The following PRKN variants were observed in gnomAD, a reference collection of about 807,000 sequenced individuals.
PRKN encodes the protein E3 ubiquitin-protein ligase parkin.
A neutral mutation model predicts 59.5 loss-of-function variants in PRKN; 56 were observed. That is an observed-to-expected ratio of 0.94 (90% CI 0.76 to 1.18). The LOEUF is 1.18. Among genes scored for constraint, PRKN ranks in the 50% most tolerant of loss-of-function variants. The pLI is 0.00. For missense variants in PRKN, 657 were observed against 596.4 expected (o/e 1.10, Z -1.06); for synonymous variants, 250 against 222.1 (o/e 1.13, Z -1.12).
rs1014000439 is a variant in PRKN, at chr6:161,459,625, C to G, written c.1084-72748G>C. ...TCTGAGATCCATCCTGCTGTCAGCC[C>G]TAGAACTCCCTCACAAGCAAGCTAT... is the stretch of plus-strand genomic sequence containing the variant. On this transcript the variant is annotated intron_variant, in intron 9 of 11. Coordinates refer to ENST00000366898, the MANE Select transcript of PRKN (RefSeq NM_004562.3). This position sits in a 1 kb window ranked among gnomAD's most constrained non-coding sequence, Gnocchi z 4.8. Among the ~76,000 whole-genome samples the G allele has an allele frequency of 1.3e-5, 2 of 152,152 alleles. No homozygotes were observed. Among genetic ancestry groups the G allele is most frequent in the Non-Finnish European group, 2.9e-5 (2 of 68,014 alleles).
chr6:162,547,446 G>T (rs1779165578), intron 1 of PRKN, among the ~76,000 whole-genome samples: 1 of 152,116 alleles, frequency 6.6e-6, no homozygotes, highest in Admixed American at 6.6e-5. Context: ...AGGACTTTCA[G>T]AACTTTTACC....
At chr6:161,964,530 C>A (rs1484952252) in intron 6 of PRKN, among the ~76,000 whole-genome samples, 1 of 152,006 alleles carries the variant, frequency 6.6e-6, no homozygotes, top group African/African-American at 2.4e-5. Flanking sequence ...GAAGATATAT[C>A]TTTGAAGTTT....
At chr6:162,020,332 C>CAAAAAAAAAAAAAAAAAAAAAAAAA (rs771141235) in intron 5 of PRKN, among the ~76,000 whole-genome samples, 2 of 45,446 alleles carry the variant, frequency 4.4e-5, no homozygotes, top group Non-Finnish European at 9.2e-5. Context: ...ACCAATGAAT[C>CAAAAAAAAAAAAAAAAAAAAAAAAA]AAAAAAAAAA....
At chr6:162,644,497 T>A (rs1182138919) in intron 1 of PRKN, among the ~76,000 whole-genome samples, 1 of 152,190 alleles carries the variant, frequency 6.6e-6, no homozygotes, top group Non-Finnish European at 1.5e-5. Context: ...AGAATATGTA[T>A]CTGCAGCCTA....
At chr6:161,465,151 A>G (rs1463740532) in intron 9 of PRKN, among the ~76,000 whole-genome samples, 1 of 152,204 alleles carries the variant, frequency 6.6e-6, no homozygotes, top group Non-Finnish European at 1.5e-5. Context: ...TACCGTCGAG[A>G]CTGGCCCATG....
intron 9 of PRKN, among the ~76,000 whole-genome samples, chr6:161,505,883 A>G (rs111595038): frequency 0.78 from 111,934 of 142,612 alleles, 44,026 homozygotes; most frequent in Middle Eastern, 0.86. Context: ...CCATTGATCT[A>G]TATCTCTGTT....
chr6:161,763,325 G>A (rs1450945742), intron 7 of PRKN, among the ~76,000 whole-genome samples: 2 of 152,068 alleles, frequency 1.3e-5, no homozygotes, highest in African/African-American at 4.8e-5. Context: ...GACAAAGAAG[G>A]GGTCTTTGGA....
At position 161,356,390 on chromosome 6, in the gene PRKN, C is replaced by T. The variant is rs962144178; in HGVS notation, c.1285+3698G>A. On this transcript the variant is annotated intron_variant, in intron 11 of 11. Coordinates refer to ENST00000366898, the MANE Select transcript of PRKN (RefSeq NM_004562.3). This position sits in a 1 kb window ranked among gnomAD's most constrained non-coding sequence, Gnocchi z 7.8. ...CACAGAAGCGTCCTGGGGAGAGGAGCGGGACTGTGTGGTTGCAATGTCAGT... is the reference window on the plus strand; with the variant it reads ...CACAGAAGCGTCCTGGGGAGAGGAGTGGGACTGTGTGGTTGCAATGTCAGT... Among the ~76,000 whole-genome samples the T allele has an allele frequency of 3.3e-5, 5 of 152,094 alleles. No individual in the cohort carries two copies. Among genetic ancestry groups the T allele is most frequent in the South Asian group, 2.1e-4 (1 of 4,824 alleles).
At chr6:162,261,161 CAG>C (rs929573613) in intron 3 of PRKN, among the ~76,000 whole-genome samples, 1 of 152,112 alleles carries the variant, frequency 6.6e-6, no homozygotes, top group Non-Finnish European at 1.5e-5. Context: ...TCTCAAGGAT[CAG>C]AGTCTCCAGA....
At chr6:161,946,576 G>A (rs970268439) in intron 6 of PRKN, among the ~76,000 whole-genome samples, 1 of 152,076 alleles carries the variant, frequency 6.6e-6, no homozygotes, top group African/African-American at 2.4e-5. Flanking sequence ...ATCTGCTGAA[G>A]GGGTGTCCTC....
chr6:162,366,496 G>T (rs573300962), intron 2 of PRKN, among the ~76,000 whole-genome samples: 30 of 152,220 alleles, frequency 2.0e-4, no homozygotes, highest in African/African-American at 7.2e-4. Context: ...ACACAGAAAA[G>T]AAAATAAAAA....
intron 7 of PRKN, among the ~76,000 whole-genome samples, chr6:161,673,578 G>GA (rs1257935913): frequency 2.6e-5 from 4 of 152,200 alleles, no homozygotes; most frequent in Non-Finnish European, 1.5e-5. Flanking sequence ...GCAGAGTTGG[G>GA]ACGTTATTTG....
At chr6:161,701,754 A>C (rs1010040249) in intron 7 of PRKN, among the ~76,000 whole-genome samples, 4 of 152,192 alleles carry the variant, frequency 2.6e-5, no homozygotes, top group Non-Finnish European at 4.4e-5. Flanking sequence ...ATTTCACATA[A>C]ATTTAGAAAT....
rs149634732 is a variant in PRKN, at chr6:161,626,697, C to T, written c.872-57281G>A. 9.5e-3 allele frequency among the ~76,000 whole-genome samples: 1,450 copies of T among 152,310 alleles called. 7 individuals are homozygous for T. The highest frequency in any genetic ancestry group is 0.024 in the Middle Eastern group (7 of 294). The stretch of plus-strand genomic sequence containing the variant: ...TGATGGATGAACAAATGCACTCAGA[C>T]ACAGATATCTAGTGAAAGAGTGGGT... On this transcript the variant is annotated intron_variant, in intron 7 of 11. Transcript: ENST00000366898.
intron 7 of PRKN, among the ~76,000 whole-genome samples, chr6:161,701,689 G>A (rs1023883915): frequency 3.5e-4 from 53 of 152,168 alleles, no homozygotes; most frequent in African/African-American, 1.2e-3. Context: ...CACAAAATAC[G>A]TCCAAATTCT....
chr6:161,746,061 T>C lies in PRKN; in HGVS notation c.871+39711A>G, dbSNP rs935930958. 8.5e-5 allele frequency among the ~76,000 whole-genome samples: 13 copies of C among 152,356 alleles called. 1 individual carries two copies. The East Asian group carries it at 1.4e-3, about 16-fold the overall frequency. On this transcript the variant is annotated intron_variant, in intron 7 of 11. Coordinates refer to ENST00000366898, the MANE Select transcript of PRKN (RefSeq NM_004562.3). ...GCTCACATTCGTTAGGAACCTCCTA[T>C]GATCCAGGCAGGTTTGTGGGTACAG...
intron 1 of PRKN, among the ~76,000 whole-genome samples, chr6:162,504,395 G>A (rs982150532): frequency 6.6e-6 from 1 of 152,194 alleles, no homozygotes; most frequent in Non-Finnish European, 1.5e-5. Flanking sequence ...GAAGCCCAGG[G>A]CTCTGGGAGG....
intron 3 of PRKN, among the ~76,000 whole-genome samples, chr6:162,251,710 T>A (rs1234688245): frequency 6.6e-6 from 1 of 152,194 alleles, no homozygotes; most frequent in Non-Finnish European, 1.5e-5. Context: ...TAAACGGGGA[T>A]ATATATGGTT....
At chr6:161,507,860 G>A (rs1294602568) in intron 9 of PRKN, among the ~76,000 whole-genome samples, 2 of 152,128 alleles carry the variant, frequency 1.3e-5, no homozygotes, top group South Asian at 2.1e-4. Context: ...AAGTAAGCTC[G>A]TTGACTTACT....
Sources: gnomAD v4.1 joint callset for allele counts (sites outside exome capture counted in the v4.1 genomes callset) on GRCh38, gnomAD v4.1.1 for gene constraint, Gnocchi (gnomAD v3.1) non-coding constraint, MANE v1.5 for transcripts, NCBI Gene and HGNC (gene_info 2026-07-23, HGNC 2026-07-21) for gene names.